The following XKR4 variants were observed in gnomAD, a reference collection of about 807,000 sequenced individuals.
XKR4 encodes XK related 4.
In XKR4, 12 loss-of-function variants were observed where a neutral mutation model predicts 53.9. That is an observed-to-expected ratio of 0.22 (90% CI 0.14 to 0.36). The LOEUF is 0.36. Ranked by LOEUF, XKR4 falls within the 10% of genes least tolerant of loss-of-function variation. XKR4 has a pLI of 1.00. For synonymous variants in XKR4, 354 were observed against 362.4 expected, an observed-to-expected ratio of 0.98 and a Z score of 0.26; for missense variants, 799 against 859.5, an observed-to-expected ratio of 0.93 and a Z score of 0.88.
intron 1 of XKR4, among the ~76,000 whole-genome samples, chr8:55,307,466 A>G (rs113754262): frequency 0.018 from 2,724 of 152,232 alleles, 61 homozygotes; most frequent in African/African-American, 0.053. Flanking sequence ...AGCCTGAGCA[A>G]TATAGGGAGA....
At chr8:55,259,272 C>T (rs979608788) in intron 1 of XKR4, among the ~76,000 whole-genome samples, 2 of 152,228 alleles carry the variant, frequency 1.3e-5, no homozygotes, top group Non-Finnish European at 2.9e-5. Context: ...CCTTGGCTTC[C>T]GTGTTTGTGA....
At chr8:55,470,351 G>A (rs985581894) in intron 2 of XKR4, among the ~76,000 whole-genome samples, 5 of 152,098 alleles carry the variant, frequency 3.3e-5, no homozygotes, top group Admixed American at 1.3e-4. Flanking sequence ...GACCCAATGG[G>A]AGATAAATGA....
In XKR4 at chr8:55,458,379, C is replaced by A. The variant is rs1805600874; in HGVS notation, c.1007-64902C>A. Among the ~76,000 whole-genome samples the A allele has an allele frequency of 2.0e-5, 3 of 152,264 alleles. No homozygotes were observed. In the South Asian group the frequency reaches 6.2e-4, roughly 32 times the overall value. On this transcript the variant is annotated intron_variant, in intron 2 of 2. Transcript: ENST00000327381. ...CTGGGCAACCAGCAGGAGCAGAACT[C>A]CATATGGTCCCGTGGCAGTGTCTAG...
At chr8:55,268,873 A>C (rs1432990962) in intron 1 of XKR4, among the ~76,000 whole-genome samples, 2 of 152,222 alleles carry the variant, frequency 1.3e-5, no homozygotes, top group African/African-American at 4.8e-5. Context: ...AACTGAAGAA[A>C]TATTCAAAGC....
chr8:55,130,017 G>A (rs145415418), intron 1 of XKR4, among the ~76,000 whole-genome samples: 264 of 152,260 alleles, frequency 1.7e-3, no homozygotes, highest in African/African-American at 5.9e-3. Flanking sequence ...TGGGGTGTGG[G>A]TAGAGCAGGA....
chr8:55,493,736 A>G (rs1806303354), intron 2 of XKR4, among the ~76,000 whole-genome samples: 1 of 152,238 alleles, frequency 6.6e-6, no homozygotes, highest in African/African-American at 2.4e-5. Context: ...TGGGCTAACC[A>G]TACAGGAACA....
rs1231404005 is a variant in XKR4 at position 55,105,622 on chromosome 8, G to A, written c.806+2328G>A. Among the ~76,000 whole-genome samples, 4 of 152,290 alleles carry A rather than the reference G, an allele frequency of 2.6e-5. No individual in the cohort carries two copies. The East Asian group carries it at 5.8e-4, about 22-fold the overall frequency. On this transcript the variant is annotated intron_variant, in intron 1 of 2. Transcript: ENST00000327381. Reference sequence around the variant, plus strand: ...TATTTGTCAACATTTTCAGAATAATGTGTGTAGTAGATAAGTTTGAATTAT... The same window carrying A: ...TATTTGTCAACATTTTCAGAATAATATGTGTAGTAGATAAGTTTGAATTAT...
chr8:55,454,957 G>A (rs1329697038), intron 2 of XKR4: 9 of 854,402 alleles, frequency 1.1e-5, no homozygotes, highest in Non-Finnish European at 1.8e-5. Context: ...CAACAAAGAA[G>A]GTCGGTGGAT....
intron 2 of XKR4, among the ~76,000 whole-genome samples, chr8:55,460,793 T>G (rs1805644423): frequency 2.0e-5 from 3 of 152,180 alleles, no homozygotes; most frequent in Admixed American, 2.0e-4. Flanking sequence ...AATACTGTGT[T>G]TTTCCAATGG....
chr8:55,131,614 A>C (rs1156793530), intron 1 of XKR4, among the ~76,000 whole-genome samples: 2 of 152,206 alleles, frequency 1.3e-5, no homozygotes, highest in Non-Finnish European at 2.9e-5. Flanking sequence ...AACTGAGTGG[A>C]GTTAAATAAC....
At chr8:55,303,949 C>T (rs1434244014) in intron 1 of XKR4, among the ~76,000 whole-genome samples, 1 of 152,134 alleles carries the variant, frequency 6.6e-6, no homozygotes, top group Non-Finnish European at 1.5e-5. Flanking sequence ...AAAAAACCAG[C>T]TCCTGGATTC....
intron 2 of XKR4, among the ~76,000 whole-genome samples, chr8:55,374,000 C>G (rs184996281): frequency 1.2e-3 from 178 of 152,220 alleles, no homozygotes; most frequent in African/African-American, 3.2e-3. Context: ...TGCGAGGTCT[C>G]TTACTCAGGC....
At chr8:55,160,082 A>G (rs1476648881) in intron 1 of XKR4, among the ~76,000 whole-genome samples, 1 of 152,238 alleles carries the variant, frequency 6.6e-6, no homozygotes, top group African/African-American at 2.4e-5. Flanking sequence ...CTAGGAAAGT[A>G]GGGAATTAGT....
chr8:55,367,634 C>T (rs1040174320), intron 2 of XKR4, among the ~76,000 whole-genome samples: 21 of 152,184 alleles, frequency 1.4e-4, no homozygotes, highest in African/African-American at 5.1e-4. Context: ...CACTCCAAAA[C>T]GTGGCATTTT....
Position 55,102,755 on chromosome 8 carries a change from C to T in XKR4, c.267C>T (p.Gly89=). ...GCGGCGTCGCCGGCCCGGGCGGCGG[C>T]GGGGCGGGCTCGGCTGCGCTGTGCC... ...GSGGVAGPGG[G]GAGSAALCLR... is the part of the protein sequence containing the mutation. Residue 89 remains glycine (G), a synonymous_variant, in exon 1 of 3, where the codon GGC becomes GGT. Transcript: ENST00000327381. The surrounding 1 kb of genome is among the most constrained non-coding windows in gnomAD (Gnocchi z 5.1). 1 of 1,267,936 alleles carries T rather than the reference C, an allele frequency of 7.9e-7. No homozygotes were observed. The highest frequency in any genetic ancestry group is 9.9e-7 in the Non-Finnish European group (1 of 1,007,754). The allele number at this position is 1,267,936 out of a possible 1,614,324, so 78.5% of individuals were successfully genotyped here. A position where few individuals can be genotyped will look rare whatever the true frequency, so the allele number is the denominator to read the frequency against.
At position 55,516,879 on chromosome 8, in the gene XKR4, C is replaced by T. The variant is rs111655972; in HGVS notation, c.1007-6402C>T. ...AAAAATATGGAGTCAGCCTAAGTGT[C>T]CATCAAAGGAGGATTGGATTAAAAA... On this transcript the variant is annotated intron_variant, in intron 2 of 2. Transcript: ENST00000327381. Among the ~76,000 whole-genome samples the T allele has an allele frequency of 4.1e-3, 627 of 152,140 alleles. 3 individuals are homozygous for T. Among genetic ancestry groups the T allele is most frequent in the African/African-American group, 0.014 (576 of 41,508 alleles).
At chr8:55,394,788 C>T (rs1181627436) in intron 2 of XKR4, among the ~76,000 whole-genome samples, 1 of 152,194 alleles carries the variant, frequency 6.6e-6, no homozygotes, top group African/African-American at 2.4e-5. Context: ...ATCTGGCCTT[C>T]ATACACTGAT....
intron 2 of XKR4, among the ~76,000 whole-genome samples, chr8:55,455,557 C>A (rs541513907): frequency 1.3e-5 from 2 of 151,834 alleles, no homozygotes; most frequent in Non-Finnish European, 2.9e-5. Flanking sequence ...CAGTAGGAAA[C>A]AAAAAAAGAA....
intron 2 of XKR4, among the ~76,000 whole-genome samples, chr8:55,406,022 C>A (rs116718728): frequency 6.6e-6 from 1 of 152,118 alleles, no homozygotes; most frequent in Non-Finnish European, 1.5e-5. Flanking sequence ...TAGTCTCAAC[C>A]AATTTGCAAT....
Sources: allele counts gnomAD v4.1 joint callset (sites outside exome capture counted in the v4.1 genomes callset), GRCh38; gene constraint gnomAD v4.1.1; non-coding constraint Gnocchi (gnomAD v3.1); transcripts MANE v1.5; gene names NCBI Gene and HGNC (gene_info 2026-07-23, HGNC 2026-07-21).